The following FBXL17 variants were observed in gnomAD, a reference collection of about 807,000 sequenced individuals.
The protein encoded by FBXL17 is F-box/LRR-repeat protein 17.
In FBXL17, 22 loss-of-function variants were observed where a neutral mutation model predicts 66.2. That is an observed-to-expected ratio of 0.33 (90% CI 0.24 to 0.47). FBXL17 has a LOEUF of 0.47. FBXL17 is among the 20% of genes least tolerant of loss of function. FBXL17 has a pLI of 1.00. For synonymous variants in FBXL17, 474 were observed against 400.5 expected, an observed-to-expected ratio of 1.18 and a Z score of -2.19; for missense variants, 878 against 948.2, an observed-to-expected ratio of 0.93 and a Z score of 0.97.
At chr5:108,196,796 A>G (rs886890844) in intron 5 of FBXL17, among the ~76,000 whole-genome samples, 5 of 152,080 alleles carry the variant, frequency 3.3e-5, no homozygotes, top group African/African-American at 9.6e-5. Flanking sequence ...ATAAAAAACT[A>G]CTTTCTCATA....
At chr5:107,926,402 C>T (rs537036472) in intron 7 of FBXL17, among the ~76,000 whole-genome samples, 45 of 152,190 alleles carry the variant, frequency 3.0e-4, no homozygotes, top group African/African-American at 1.0e-3. Flanking sequence ...CCCCACCAAA[C>T]CTGTATTACT....
At chr5:107,998,960 T>C (rs1753598442) in intron 7 of FBXL17, among the ~76,000 whole-genome samples, 1 of 152,278 alleles carries the variant, frequency 6.6e-6, no homozygotes, top group Non-Finnish European at 1.5e-5. Context: ...ACAGTCTAAA[T>C]ACTGAAGGCG....
intron 6 of FBXL17, among the ~76,000 whole-genome samples, chr5:108,101,615 C>T (rs1490174567): frequency 6.6e-6 from 1 of 152,144 alleles, no homozygotes; most frequent in African/African-American, 2.4e-5. Flanking sequence ...TATTTCAACA[C>T]TAAGAGATAC....
intron 7 of FBXL17, among the ~76,000 whole-genome samples, chr5:107,881,662 G>A (rs900399789): frequency 6.6e-6 from 1 of 152,100 alleles, no homozygotes; most frequent in Non-Finnish European, 1.5e-5. Context: ...CCTGTAAAAT[G>A]TAAAAGTATA....
chr5:107,982,972 C>T (rs892383226), intron 7 of FBXL17, among the ~76,000 whole-genome samples: 10 of 152,130 alleles, frequency 6.6e-5, no homozygotes, highest in South Asian at 4.1e-4. Flanking sequence ...CTGGGGAGTT[C>T]GCTAAGATTT....
chr5:108,316,803 AT>A (rs199615601), intron 4 of FBXL17, among the ~76,000 whole-genome samples: 4 of 150,232 alleles, frequency 2.7e-5, no homozygotes, highest in South Asian at 2.1e-4. Flanking sequence ...TATACTGTTG[AT>A]TTTTTTTTAG....
intron 7 of FBXL17, among the ~76,000 whole-genome samples, chr5:107,886,592 T>TG (rs553892955): frequency 1.1e-4 from 16 of 151,692 alleles, no homozygotes; most frequent in Non-Finnish European, 1.8e-4. Context: ...TTTAAAACAA[T>TG]GGGGGCATTT....
intron 6 of FBXL17, among the ~76,000 whole-genome samples, chr5:108,166,209 A>G (rs181678769): frequency 7.0e-4 from 106 of 152,360 alleles, no homozygotes; most frequent in African/African-American, 2.5e-3. Context: ...CAATAATCAA[A>G]TTTGGAGAGC....
At chr5:108,278,085 C>T (rs530998935) in intron 4 of FBXL17, among the ~76,000 whole-genome samples, 15 of 152,168 alleles carry the variant, frequency 9.9e-5, no homozygotes, top group African/African-American at 3.6e-4. Flanking sequence ...TTGGCTGGGA[C>T]CAGCCAGGAA....
chr5:108,098,156 TA>T (rs932495562), intron 6 of FBXL17, among the ~76,000 whole-genome samples: 3 of 151,334 alleles, frequency 2.0e-5, no homozygotes, highest in African/African-American at 7.3e-5. Context: ...GATCATCTTC[TA>T]AAAAAAAACA....
At chr5:108,174,299 T>C (rs1231254599) in intron 6 of FBXL17, among the ~76,000 whole-genome samples, 1 of 152,218 alleles carries the variant, frequency 6.6e-6, no homozygotes, top group Non-Finnish European at 1.5e-5. Flanking sequence ...AGATATATTG[T>C]ACAGGTTTAT....
intron 7 of FBXL17, among the ~76,000 whole-genome samples, chr5:107,893,939 T>C (rs921007457): frequency 2.0e-5 from 3 of 152,190 alleles, no homozygotes; most frequent in African/African-American, 7.2e-5. Flanking sequence ...AGCGATATAG[T>C]TCTTTCCAAC....
chr5:107,879,325 T>C (rs1748706866), intron 8 of FBXL17: 7 of 985,478 alleles, frequency 7.1e-6, no homozygotes, highest in Non-Finnish European at 6.0e-6. Flanking sequence ...CTGTCATTGA[T>C]TCCTGTTTCT....
intron 6 of FBXL17, among the ~76,000 whole-genome samples, chr5:108,143,238 G>C (rs1037096942): frequency 1.3e-5 from 2 of 151,712 alleles, no homozygotes; most frequent in Non-Finnish European, 2.9e-5. Context: ...GCTTAAAGGA[G>C]AAAATATAAC....
chr5:107,929,667 A>T (rs902435975), intron 7 of FBXL17, among the ~76,000 whole-genome samples: 3 of 152,104 alleles, frequency 2.0e-5, no homozygotes, highest in Non-Finnish European at 4.4e-5. Flanking sequence ...ATTCCAAGAA[A>T]TATCTGCTGA....
In FBXL17 at chr5:108,020,911, G is replaced by A. The variant is rs1410968234; in HGVS notation, c.1822+14C>T. 2.6e-6 allele frequency: 4 copies of A among 1,560,590 alleles called. No homozygotes were observed. The Admixed American group carries it at 6.7e-5, about 26-fold the overall frequency. On this transcript the variant is annotated intron_variant, in intron 7 of 8. Coordinates refer to ENST00000542267, the MANE Select transcript of FBXL17 (RefSeq NM_001163315.3). Reference sequence around the variant, plus strand: ...TATTCTTAGAAAGGATTAGGAAAATGGTTCATTACCTACCATAATCTGTGA... The same window carrying A: ...TATTCTTAGAAAGGATTAGGAAAATAGTTCATTACCTACCATAATCTGTGA...
At chr5:107,935,069 T>TC (rs1750855327) in intron 7 of FBXL17, among the ~76,000 whole-genome samples, 2 of 137,786 alleles carry the variant, frequency 1.5e-5, no homozygotes, top group African/African-American at 2.7e-5. Flanking sequence ...GTATCTTTTG[T>TC]TTTTTTTTTG....
rs1041833962 is a variant in FBXL17, at chr5:108,199,191, C to T, written c.1615-12944G>A. Among the ~76,000 whole-genome samples the T allele has an allele frequency of 4.7e-4, 71 of 152,102 alleles. 2 individuals carry two copies. Among genetic ancestry groups the T allele is most frequent in the Non-Finnish European group, 4.4e-5 (3 of 67,992 alleles). ...ATACTTTGGGTCACTTATAACTTCT[C>T]ACACCAATACAAAAACATGACGAAG... On this transcript the variant is annotated intron_variant, in intron 5 of 8. Coordinates refer to ENST00000542267, the MANE Select transcript of FBXL17 (RefSeq NM_001163315.3).
chr5:107,982,723 G>A (rs1246092769), intron 7 of FBXL17, among the ~76,000 whole-genome samples: 2 of 152,188 alleles, frequency 1.3e-5, no homozygotes, highest in African/African-American at 4.8e-5. Context: ...ATATTTAATA[G>A]ATTTCTAGTA....
Sources: allele counts gnomAD v4.1 joint callset (sites outside exome capture counted in the v4.1 genomes callset), GRCh38; gene constraint gnomAD v4.1.1; transcripts MANE v1.5; gene names NCBI Gene and HGNC (gene_info 2026-07-23, HGNC 2026-07-21).